The following DNAH11 variants were observed in gnomAD, a reference collection of about 807,000 sequenced individuals.
DNAH11 encodes the protein dynein axonemal heavy chain 11.
A neutral mutation model predicts 526.0 loss-of-function variants in DNAH11; 442 were observed. The ratio of observed to expected loss-of-function variants is 0.84; its 90% confidence interval spans 0.78 to 0.91. The LOEUF is 0.91. Among genes scored for constraint, DNAH11 ranks in the 40% least tolerant of loss-of-function variants. The pLI, the probability that DNAH11 is intolerant of heterozygous loss-of-function variation, is 0.00. For synonymous variants in DNAH11, 2,461 were observed against 1,935.9 expected (o/e 1.27, Z -7.12); for missense variants, 6,989 against 5,448.7 (o/e 1.28, Z -8.90).
At chr7:21,548,063 T>G (rs993647961) in intron 2 of DNAH11, among the ~76,000 whole-genome samples, 5 of 152,196 alleles carry the variant, frequency 3.3e-5, no homozygotes, top group African/African-American at 9.7e-5. Flanking sequence ...CTATCATACC[T>G]TTTCATTTTT....
At position 21,720,642 on chromosome 7, in the gene DNAH11, A is replaced by G. The variant is rs1190678946; in HGVS notation, c.7135-83A>G. The G allele has an allele frequency of 1.1e-5, 16 of 1,418,620 alleles. 1 individual carries two copies. In the Middle Eastern group the frequency reaches 1.2e-3, roughly 110 times the overall value. The allele number at this position is 1,418,620 out of a possible 1,614,324, so 87.9% of individuals were successfully genotyped here. A position where few individuals can be genotyped will look rare whatever the true frequency, so the allele number is the denominator to read the frequency against. On this transcript the variant is annotated intron_variant, in intron 43 of 81. Coordinates refer to ENST00000409508, the MANE Select transcript of DNAH11 (RefSeq NM_001277115.2). ...GGAAAAACTATGTACTCTCTTAAGG[A>G]TAAAGTGGAGTTGTAAAAATATTCT... is the stretch of plus-strand genomic sequence containing the variant.
rs750251384 is a variant in DNAH11 at position 21,704,455 on chromosome 7, G to T, written c.6295G>T (p.Asp2099Tyr). 2.5e-6 allele frequency: 4 copies of T among 1,613,346 alleles called. No homozygotes were observed. Among genetic ancestry groups the T allele is most frequent in the Middle Eastern group, 1.7e-4 (1 of 6,060 alleles). Residue 2099 changes from aspartate to tyrosine, a missense_variant, in exon 38 of 82, where the codon GAT (aspartate) becomes TAT (tyrosine). Physicochemically the swap from Asp to Tyr is radical, Grantham distance 160. Coordinates refer to ENST00000409508, the MANE Select transcript of DNAH11 (RefSeq NM_001277115.2). ...CTAGGTACTCATGAGAGCATTAAGGGATTTCAATATGCCCAAAATAGTGAC... is the reference window on the plus strand; with the variant it reads ...CTAGGTACTCATGAGAGCATTAAGGTATTTCAATATGCCCAAAATAGTGAC... ...EDQVLMRALR[D>Y]FNMPKIVTDD...
At chr7:21,810,904 C>T (rs189637549) in intron 63 of DNAH11, among the ~76,000 whole-genome samples, 1 of 152,176 alleles carries the variant, frequency 6.6e-6, no homozygotes, top group East Asian at 1.9e-4. Flanking sequence ...ACAGAATTGC[C>T]ACATGATCCA....
intron 14 of DNAH11, among the ~76,000 whole-genome samples, chr7:21,593,890 T>G (rs1446331471): frequency 6.7e-6 from 1 of 149,192 alleles, no homozygotes; most frequent in Non-Finnish European, 1.5e-5. Context: ...CTGCCCCTGC[T>G]CCCCCCAGAC....
chr7:21,894,785 C>A lies in DNAH11; in HGVS notation c.12913C>A (p.Gln4305Lys), dbSNP rs1784448643. The A allele has an allele frequency of 3.7e-6, 6 of 1,609,658 alleles. No homozygotes were observed. The highest frequency in any genetic ancestry group is 5.1e-6 in the Non-Finnish European group (6 of 1,177,396). Residue 4305 changes from glutamine (Q) to lysine (K), a missense_variant, in exon 78 of 82, where the codon CAA becomes AAA. Transcript: ENST00000409508. Reference protein sequence around the residue: ...LIREIRISLEQLDLSLKGELA... With the variant: ...LIREIRISLEKLDLSLKGELA... Reference sequence around the variant, plus strand: ...TCGGGAAATACGTATATCACTTGAACAACTGGACCTTAGTTTGAAGGTAAG... The same window carrying A: ...TCGGGAAATACGTATATCACTTGAAAAACTGGACCTTAGTTTGAAGGTAAG...
At chr7:21,760,677 A>G (rs190772867) in intron 54 of DNAH11, among the ~76,000 whole-genome samples, 23 of 152,322 alleles carry the variant, frequency 1.5e-4, no homozygotes, top group African/African-American at 4.8e-4. Flanking sequence ...AATCATGTCT[A>G]CCATCCATGA....
intron 14 of DNAH11, among the ~76,000 whole-genome samples, chr7:21,596,859 A>G (rs866939331): frequency 2.0e-5 from 3 of 152,362 alleles, no homozygotes; most frequent in Middle Eastern, 3.4e-3. Context: ...AATGTAAGCC[A>G]GCTTTAAAAT....
chr7:21,668,283 T>C (rs1782499318), intron 30 of DNAH11, among the ~76,000 whole-genome samples: 1 of 152,088 alleles, frequency 6.6e-6, no homozygotes, highest in Non-Finnish European at 1.5e-5. Context: ...AAAATAGAGA[T>C]AGTATCTCTC....
chr7:21,571,282 T>G (rs148370006), intron 7 of DNAH11, among the ~76,000 whole-genome samples: 1 of 152,234 alleles, frequency 6.6e-6, no homozygotes, highest in East Asian at 1.9e-4. Flanking sequence ...GAGATAGTTT[T>G]TGTTTTCTTT....
intron 60 of DNAH11, among the ~76,000 whole-genome samples, chr7:21,788,161 C>G (rs889132432): frequency 1.3e-5 from 2 of 152,180 alleles, no homozygotes; most frequent in African/African-American, 4.8e-5. Flanking sequence ...AAGCACTTTG[C>G]TGAGTACTTG....
chr7:21,711,855 G>A lies in DNAH11; in HGVS notation c.6978G>A (p.Trp2326Ter). The A allele has an allele frequency of 6.2e-7, 1 of 1,610,232 alleles. No individual in the cohort carries two copies. The highest frequency in any genetic ancestry group is 8.5e-7 in the Non-Finnish European group (1 of 1,177,876). The change falls in exon 42 of 82, where the codon TGG (tryptophan) becomes TGA (stop). Residue 2326 changes from tryptophan to a stop codon, truncating the protein, a stop_gained. Transcript: ENST00000409508. LOFTEE classifies it high-confidence loss of function. ...ILYVNPQDLG[W>*]NPYVASWIDR... ...ATGTGAACCCACAAGATCTGGGCTG[G>A]AATCCGTGAGTATTTCTTTTTGTTT...
intron 28 of DNAH11, among the ~76,000 whole-genome samples, chr7:21,650,617 GTTATT>G (rs903347744): frequency 6.8e-6 from 1 of 146,438 alleles, no homozygotes; most frequent in Non-Finnish European, 1.5e-5. Flanking sequence ...CACCAAAACT[GTTATT>G]TAATTTTATT....
chr7:21,591,110 TA>T lies in DNAH11; in HGVS notation c.2275-74del, dbSNP rs561215576. On this transcript the variant is annotated intron_variant, in intron 13 of 81. Transcript: ENST00000409508. ...TTAATTATTATATAGATCTATATGA[TA>T]TTTTTACACCTTTAAGACAGAGAAA... is the stretch of plus-strand genomic sequence containing the variant. 356 of 1,464,134 alleles carry T rather than the reference TA, an allele frequency of 2.4e-4. No individual in the cohort carries two copies. The African/African-American group carries it at 4.5e-3, about 19-fold the overall frequency. The allele number at this position is 1,464,134 out of a possible 1,614,324, so 90.7% of individuals were successfully genotyped here. A position where few individuals can be genotyped will look rare whatever the true frequency, so the allele number is the denominator to read the frequency against.
chr7:21,641,091 T>G (rs1354303184), intron 28 of DNAH11, among the ~76,000 whole-genome samples: 1 of 152,210 alleles, frequency 6.6e-6, no homozygotes, highest in Non-Finnish European at 1.5e-5. Flanking sequence ...CTCCCATTTC[T>G]TGCTCCTGGC....
intron 45 of DNAH11, among the ~76,000 whole-genome samples, chr7:21,729,450 T>C (rs553474022): frequency 1.3e-5 from 2 of 152,318 alleles, no homozygotes; most frequent in East Asian, 3.9e-4. Context: ...AAGCTGAGAA[T>C]TTCCCAAATC....
At chr7:21,790,934 A>T (rs1204048372) in intron 61 of DNAH11, among the ~76,000 whole-genome samples, 3 of 152,372 alleles carry the variant, frequency 2.0e-5, no homozygotes, top group East Asian at 3.9e-4. Context: ...CAAGTTAATG[A>T]TACAACCAAA....
In DNAH11 at chr7:21,763,702, T is replaced by C. The variant is rs1366025001; in HGVS notation, c.8941-1726T>C. On this transcript the variant is annotated intron_variant, in intron 54 of 81. Transcript: ENST00000409508. ...CAGGATCTTGAAGAGATATCTACAC[T>C]TTCATGTTCACTGCAGCGTTATTCA... 2.0e-5 allele frequency among the ~76,000 whole-genome samples: 3 copies of C among 150,858 alleles called. No individual in the cohort carries two copies. In the East Asian group the frequency reaches 5.8e-4, roughly 29 times the overall value.
Position 21,591,270 on chromosome 7 carries a change from A to G in DNAH11, c.2360A>G (p.Asp787Gly). 1 of 1,609,764 alleles carries G rather than the reference A, an allele frequency of 6.2e-7. No homozygotes were observed. Among genetic ancestry groups the G allele is most frequent in the Non-Finnish European group, 8.5e-7 (1 of 1,177,524 alleles). ...LLEVEYPLIE[D>G]ELRAIDEQLT... ...GAAGTTGAATACCCTCTGATTGAAG[A>G]TGAGCTGAGGGCTATTGACGAGCAG... Residue 787 changes from aspartate (D) to glycine (G), a missense_variant, in exon 14 of 82, where the codon GAT becomes GGT. Transcript: ENST00000409508.
chr7:21,829,556 C>T (rs1297871666), intron 65 of DNAH11, among the ~76,000 whole-genome samples: 1 of 152,150 alleles, frequency 6.6e-6, no homozygotes, highest in African/African-American at 2.4e-5. Flanking sequence ...AAATATGTTG[C>T]TTTCCATGTT....
Sources: allele counts gnomAD v4.1 joint callset (sites outside exome capture counted in the v4.1 genomes callset), GRCh38; gene constraint gnomAD v4.1.1; transcripts MANE v1.5; gene names NCBI Gene and HGNC (gene_info 2026-07-23, HGNC 2026-07-21).